The following ADAM10 variants were observed in gnomAD, a reference collection of about 807,000 sequenced individuals.
ADAM10 encodes ADAM metallopeptidase domain 10.
In ADAM10, 17 loss-of-function variants were observed where a neutral mutation model predicts 90.1. The observed-to-expected ratio is 0.19, with a 90% confidence interval of 0.13 to 0.28. The LOEUF is 0.28. ADAM10 is among the 10% of genes least tolerant of loss of function. The pLI is 1.00. For missense variants in ADAM10, 610 were observed against 914.3 expected (o/e 0.67, Z 4.29); for synonymous variants, 310 against 298.6 (o/e 1.04, Z -0.40).
chr15:58,733,948 C>G (rs568979369), intron 1 of ADAM10, among the ~76,000 whole-genome samples: 4 of 150,652 alleles, frequency 2.7e-5, no homozygotes, highest in African/African-American at 9.7e-5. Context: ...AAGGCTGTTG[C>G]TTCTCATTCT....
At position 58,594,678 on chromosome 15, in the gene ADAM10, T is replaced by C. The variant is rs1894904527; in HGVS notation, c.*2869A>G. 1 of 152,050 alleles carries C rather than the reference T, an allele frequency of 6.6e-6. No individual in the cohort carries two copies. The highest frequency in any genetic ancestry group is 2.4e-5 in the African/African-American group (1 of 41,410). The allele number at this position is 152,050 out of a possible 1,614,324, so 9.4% of individuals were successfully genotyped here. On this transcript the variant is annotated 3_prime_UTR_variant, in exon 16 of 16. Coordinates refer to ENST00000260408, the MANE Select transcript of ADAM10 (RefSeq NM_001110.4). Reference sequence around the variant, plus strand: ...GAATTGGTACCTGAATTTATAAAACTGGGGAGGGAGGGATGGAGGGAGAGA... The same window carrying C: ...GAATTGGTACCTGAATTTATAAAACCGGGGAGGGAGGGATGGAGGGAGAGA...
chr15:58,669,624 T>C (rs1897150819), intron 4 of ADAM10, among the ~76,000 whole-genome samples: 1 of 152,146 alleles, frequency 6.6e-6, no homozygotes, highest in Non-Finnish European at 1.5e-5. Flanking sequence ...TTAGTAGTTA[T>C]TTCATCCCCT....
chr15:58,665,271 A>G, intron 4 of ADAM10, 74 bp from the exon 5 acceptor site: 1 of 1,206,662 alleles, frequency 8.3e-7, no homozygotes. Flanking sequence ...AATTACAAGT[A>G]AAAATTTAAC....
chr15:58,658,098 C>G lies in ADAM10; in HGVS notation c.585+6999G>C, dbSNP rs569379023. Among the ~76,000 whole-genome samples, 4 of 152,118 alleles carry G rather than the reference C, an allele frequency of 2.6e-5. No individual in the cohort carries two copies. In the East Asian group the frequency reaches 7.7e-4, roughly 29 times the overall value. ...TTTTTGTGCCTTGAGAAATTGTTAT[C>G]ACAAGTCACAAAAATTTCTCCTATG... On this transcript the variant is annotated intron_variant, in intron 5 of 15. Transcript: ENST00000260408.
chr15:58,599,335 G>C (rs1303186842), intron 15 of ADAM10, among the ~76,000 whole-genome samples: 2 of 148,464 alleles, frequency 1.3e-5, no homozygotes, highest in African/African-American at 5.0e-5. Context: ...AAAAAAACAA[G>C]AAAACAAATA....
chr15:58,622,176 C>T lies in ADAM10; in HGVS notation c.1361-555G>A, dbSNP rs141165400. Among the ~76,000 whole-genome samples, 45 of 152,164 alleles carry T rather than the reference C, an allele frequency of 3.0e-4. No individual in the cohort carries two copies. The East Asian group carries it at 7.7e-3, about 26-fold the overall frequency. ...CAACCCCACCTAACATATTATTGTCCCTGTAAATACTTCAGAATGTATCAC... is the reference window on the plus strand; with the variant it reads ...CAACCCCACCTAACATATTATTGTCTCTGTAAATACTTCAGAATGTATCAC... On this transcript the variant is annotated intron_variant, in intron 10 of 15. Coordinates refer to ENST00000260408, the MANE Select transcript of ADAM10 (RefSeq NM_001110.4).
chr15:58,628,025 C>A, intron 9 of ADAM10, 142 bp from the exon 10 acceptor site: 1 of 835,854 alleles, frequency 1.2e-6, no homozygotes, highest in Non-Finnish European at 1.9e-6. Context: ...TTGTTTTACA[C>A]CTTGAGTAGG....
intron 5 of ADAM10, among the ~76,000 whole-genome samples, chr15:58,650,271 A>G (rs1287661848): frequency 3.3e-5 from 5 of 152,174 alleles, no homozygotes; most frequent in African/African-American, 1.2e-4. Flanking sequence ...CAGGCTATGT[A>G]TATGGATAAC....
intron 5 of ADAM10, among the ~76,000 whole-genome samples, chr15:58,654,308 T>C (rs553460971): frequency 2.0e-5 from 3 of 152,254 alleles, no homozygotes; most frequent in Non-Finnish European, 4.4e-5. Context: ...TCTTTCTGGA[T>C]GCAGGCATTT....
chr15:58,604,249 T>C (rs1163109218), intron 14 of ADAM10, among the ~76,000 whole-genome samples: 1 of 152,122 alleles, frequency 6.6e-6, no homozygotes, highest in African/African-American at 2.4e-5. Flanking sequence ...TAATCCCAGC[T>C]ACTCAGGAGG....
chr15:58,631,626 G>A (rs1326423070), intron 9 of ADAM10, among the ~76,000 whole-genome samples: 7 of 152,166 alleles, frequency 4.6e-5, no homozygotes, highest in Non-Finnish European at 8.8e-5. Context: ...TGATGTATAT[G>A]CACATAAAAA....
At chr15:58,733,526 A>C (rs1257359882) in intron 1 of ADAM10, among the ~76,000 whole-genome samples, 1 of 152,224 alleles carries the variant, frequency 6.6e-6, no homozygotes, top group Non-Finnish European at 1.5e-5. Flanking sequence ...CTTATTGTTT[A>C]ACCCTTTAAA....
At chr15:58,663,764 A>G (rs1217842894) in intron 5 of ADAM10, among the ~76,000 whole-genome samples, 2 of 152,072 alleles carry the variant, frequency 1.3e-5, no homozygotes, top group African/African-American at 4.8e-5. Flanking sequence ...CATAGGTCTT[A>G]TAATTCTTTG....
chr15:58,623,982 T>TAAAA (rs34638861), intron 10 of ADAM10, among the ~76,000 whole-genome samples: 3 of 137,352 alleles, frequency 2.2e-5, no homozygotes, highest in Non-Finnish European at 4.7e-5. Flanking sequence ...AAGTGAAATT[T>TAAAA]AAAAAAAAAA....
chr15:58,597,500 A>G lies in ADAM10; in HGVS notation c.*47T>C. 6.2e-7 allele frequency: 1 copy of G among 1,613,854 alleles called. No homozygotes were observed. The highest frequency in any genetic ancestry group is 8.5e-7 in the Non-Finnish European group (1 of 1,179,918). ...CTTAATAGGTTTCTCTTTGGAGTGA[A>G]GTTTTCCCATTGTAGGCACTAGGAA... On this transcript the variant is annotated 3_prime_UTR_variant, in exon 16 of 16. Coordinates refer to ENST00000260408, the MANE Select transcript of ADAM10 (RefSeq NM_001110.4).
intron 7 of ADAM10, 107 bp from the exon 8 acceptor site, chr15:58,641,067 A>G (rs1896405824): frequency 9.1e-7 from 1 of 1,098,418 alleles, no homozygotes; most frequent in Non-Finnish European, 1.4e-6. Flanking sequence ...GCTCCCATGG[A>G]AATCAGGCCT....
intron 5 of ADAM10, among the ~76,000 whole-genome samples, chr15:58,655,711 G>GTGTGTATATATA (rs1212041296): frequency 5.4e-4 from 29 of 53,702 alleles, no homozygotes; most frequent in Middle Eastern, 0.019. Context: ...TATATATATA[G>GTGTGTATATATA]TATATATATA....
chr15:58,728,328 T>C lies in ADAM10; in HGVS notation c.56-10601A>G, dbSNP rs147666362. 1.8e-3 allele frequency among the ~76,000 whole-genome samples: 275 copies of C among 152,352 alleles called. 2 individuals carry two copies. The highest frequency in any genetic ancestry group is 6.0e-3 in the African/African-American group (249 of 41,588). On this transcript the variant is annotated intron_variant, in intron 1 of 15. Transcript: ENST00000260408. The stretch of plus-strand genomic sequence containing the variant: ...GATTGATATAAATGTTCTATGATTA[T>C]GGAGGTAGTTATACAAGTAAATATA...
At chr15:58,628,620 C>G (rs1896016862) in intron 9 of ADAM10, among the ~76,000 whole-genome samples, 1 of 152,132 alleles carries the variant, frequency 6.6e-6, no homozygotes, top group Admixed American at 6.5e-5. Context: ...GACCAAGCAA[C>G]AGAACACTAC....
Sources: allele counts gnomAD v4.1 joint callset (sites outside exome capture counted in the v4.1 genomes callset), GRCh38; gene constraint gnomAD v4.1.1; transcripts MANE v1.5; gene names NCBI Gene and HGNC (gene_info 2026-07-23, HGNC 2026-07-21).